SPG7: variants seen among roughly 807,000 people sequenced by gnomAD.
SPG7 encodes the protein SPG7 matrix AAA peptidase subunit, paraplegin.
A neutral mutation model predicts 81.9 loss-of-function variants in SPG7; 103 were observed. The ratio of observed to expected loss-of-function variants is 1.26; its 90% confidence interval spans 1.07 to 1.48. The LOEUF is 1.48. Ranked by LOEUF, SPG7 falls within the 40% of genes most tolerant of loss-of-function variation. The pLI is 0.00. For synonymous variants in SPG7, 534 were observed against 444.2 expected (o/e 1.20, Z -2.54); for missense variants, 1,241 against 1,087.3 (o/e 1.14, Z -1.99).
intron 16 of SPG7, 45 bp from the exon 17 acceptor site, chr16:89,556,841 CT>C: frequency 6.9e-7 from 1 of 1,453,906 alleles, no homozygotes; most frequent in Non-Finnish European, 9.7e-7. Context: ...TAGAGATGCT[CT>C]GTCTGCCCTG....
intron 5 of SPG7, 54 bp downstream of exon 5, chr16:89,526,522 T>A (rs957727453): frequency 1.2e-6 from 2 of 1,605,550 alleles, no homozygotes; most frequent in African/African-American, 2.7e-5. Context: ...GGCTTTGTAA[T>A]CTGAGAAACA....
At position 89,553,060 on chromosome 16, in the gene SPG7, C is replaced by G. The variant is rs769258044; in HGVS notation, c.1861C>G (p.Gln621Glu). 6.2e-6 allele frequency: 10 copies of G among 1,613,836 alleles called. No homozygotes were observed. Among genetic ancestry groups the G allele is most frequent in the Non-Finnish European group, 8.5e-6 (10 of 1,179,922 alleles). Reference protein sequence around the residue: ...PRDQHLFTKEQLFERMCMALG... With the variant: ...PRDQHLFTKEELFERMCMALG... ...AGACCAGCACCTCTTCACCAAGGAG[C>G]AGCTGTTTGAGCGGATGTGCATGGC... The change falls in exon 14 of 17, where the codon CAG (glutamine) becomes GAG (glutamate). Residue 621 changes from glutamine to glutamate, a missense_variant. Gln to Glu is a conservative substitution (Grantham distance 29). Coordinates refer to ENST00000645818, the MANE Select transcript of SPG7 (RefSeq NM_003119.4).
chr16:89,543,048 C>A (rs56156927), intron 9 of SPG7: 27 of 149,654 alleles, frequency 1.8e-4, no homozygotes, highest in African/African-American at 6.4e-4. Context: ...TTCAGGTTCA[C>A]GCCATTCTCC....
intron 3 of SPG7, chr16:89,518,992 A>T (rs4511532): frequency 0.43 from 64,502 of 150,502 alleles, 14,291 homozygotes; most frequent in East Asian, 0.67. Flanking sequence ...TTATTTATTT[A>T]TTTTTTTTTG....
intron 6 of SPG7, chr16:89,530,116 G>C (rs146695557): frequency 1.2e-4 from 32 of 269,358 alleles, no homozygotes; most frequent in Admixed American, 1.5e-4. Context: ...TGGGATTATA[G>C]GCATGAGCCA....
chr16:89,513,057 T>A lies in SPG7; in HGVS notation c.376+20T>A. On this transcript the variant is annotated intron_variant, in intron 3 of 16. Transcript: ENST00000645818. ...ACGAAGGTATATTCATCTGATGTTC[T>A]TCAGTCAGTAGCTGCCTCTGGATGT... is the stretch of plus-strand genomic sequence containing the variant. 6.3e-7 allele frequency: 1 copy of A among 1,589,486 alleles called. No individual in the cohort carries two copies.
intron 1 of SPG7, chr16:89,508,820 G>C (rs1597598193): frequency 1.5e-6 from 1 of 688,170 alleles, no homozygotes; most frequent in East Asian, 2.8e-5. Flanking sequence ...TGGGATCCGC[G>C]CAGTCCTCGG....
intron 1 of SPG7, among the ~76,000 whole-genome samples, chr16:89,509,345 G>A (rs951202080): frequency 2.6e-5 from 4 of 151,716 alleles, no homozygotes; most frequent in African/African-American, 7.3e-5. Flanking sequence ...CCGCCTCCCG[G>A]GTTCAAGCGA....
In SPG7 at chr16:89,553,012, G is replaced by T. The variant is rs1044298211; in HGVS notation, c.1813G>T (p.Gly605Cys). The T allele has an allele frequency of 6.2e-7, 1 of 1,613,860 alleles. No individual in the cohort carries two copies. The highest frequency in any genetic ancestry group is 1.3e-5 in the African/African-American group (1 of 74,906). The part of the protein sequence containing the change: ...SITPRTNAAL[G>C]FAQMLPRDQH... Reference sequence around the variant, plus strand: ...AACCCCTCGGACAAACGCCGCCCTGGGCTTTGCTCAGATGCTCCCCAGAGA... The same window carrying T: ...AACCCCTCGGACAAACGCCGCCCTGTGCTTTGCTCAGATGCTCCCCAGAGA... Residue 605 changes from glycine to cysteine, a missense_variant, in exon 14 of 17, where the codon GGC becomes TGC. Gly to Cys is a radical substitution (Grantham distance 159). Transcript: ENST00000645818.
At chr16:89,537,349 C>T (rs944554602) in intron 9 of SPG7, 20 of 1,162,792 alleles carry the variant, frequency 1.7e-5, no homozygotes, top group African/African-American at 1.4e-4. Context: ...GTCCAGGTCC[C>T]GGCTCCTGTG....
In SPG7 at chr16:89,553,953, T is replaced by C; in HGVS notation, c.2096T>C (p.Met699Thr). Residue 699 changes from methionine to threonine, a missense_variant, in exon 15 of 17, where the codon ATG becomes ACG. Transcript: ENST00000645818. ...TTCAGCCAAGGCCTGCAGCAGATGATGGACCATGTGAGTCGGCTCTGGCCA... is the reference window on the plus strand; with the variant it reads ...TTCAGCCAAGGCCTGCAGCAGATGACGGACCATGTGAGTCGGCTCTGGCCA... ...RPFSQGLQQM[M>T]DHEARLLVAK... The C allele has an allele frequency of 1.2e-6, 2 of 1,611,442 alleles. No homozygotes were observed. Among genetic ancestry groups the C allele is most frequent in the Non-Finnish European group, 1.7e-6 (2 of 1,179,958 alleles).
chr16:89,549,215 A>AG, intron 12 of SPG7: 1 of 456,872 alleles, frequency 2.2e-6, no homozygotes, highest in Non-Finnish European at 4.4e-6. Context: ...GGGAACCACA[A>AG]GCCAGTTGAA....
chr16:89,514,109 G>A (rs575224750), intron 3 of SPG7, among the ~76,000 whole-genome samples: 2 of 152,024 alleles, frequency 1.3e-5, no homozygotes, highest in African/African-American at 2.4e-5. Flanking sequence ...CCAGTGTTTC[G>A]CAGGTGGATT....
At chr16:89,544,561 T>A (rs540389287) in intron 9 of SPG7, 87 bp from the exon 10 acceptor site, 1 of 1,519,668 alleles carries the variant, frequency 6.6e-7, no homozygotes, top group Non-Finnish European at 9.1e-7. Flanking sequence ...TCTCTCTCCC[T>A]CCTGTGTCCT....
rs1179653517 is a variant in SPG7, at chr16:89,526,330, G to A, written c.620G>A (p.Arg207Gln). 7.4e-6 allele frequency: 12 copies of A among 1,613,992 alleles called. 1 individual carries two copies. The highest frequency in any genetic ancestry group is 3.3e-4 in the Middle Eastern group (2 of 6,052). The change falls in exon 5 of 17, where the codon CGG becomes CAG. Residue 207 changes from arginine (R) to glutamine (Q), a missense_variant and splice_region_variant. By Grantham distance (43) the Arg-to-Gln change is conservative. Transcript: ENST00000645818. ...TCCCCTCTCCTTTCTGCCCCCCAGC[G>A]GCTAGCCTTGATGTACCGAATGCAG... Reference protein sequence around the residue: ...HPGAVVFGRPRLALMYRMQVA... With the variant: ...HPGAVVFGRPQLALMYRMQVA...
intron 6 of SPG7, 124 bp from the exon 7 acceptor site, chr16:89,530,559 G>A: frequency 1.9e-6 from 2 of 1,076,078 alleles, no homozygotes; most frequent in East Asian, 2.4e-5. Context: ...CATGAGTGAA[G>A]CCTTGGGATC....
chr16:89,509,758 C>A (rs912836539), intron 1 of SPG7, among the ~76,000 whole-genome samples: 1 of 150,958 alleles, frequency 6.6e-6, no homozygotes, highest in African/African-American at 2.4e-5. Flanking sequence ...GGGATAGCAG[C>A]CAATGTACTT....
chr16:89,535,553 T>A (rs1241619830), intron 9 of SPG7, among the ~76,000 whole-genome samples: 1 of 152,336 alleles, frequency 6.6e-6, no homozygotes, highest in East Asian at 1.9e-4. Context: ...GGCTGCCTTC[T>A]GCACACACAG....
Position 89,508,560 on chromosome 16 carries a change from C to G in SPG7, c.143C>G (p.Pro48Arg). Residue 48 changes from proline to arginine, a missense_variant, in exon 1 of 17, where the codon CCT becomes CGT. Transcript: ENST00000645818. The stretch of plus-strand genomic sequence containing the variant: ...GGGCGGCCGTACATGGCCAGCAGGC[C>G]TCCGGGGGACCTCGCCGAGGCTGGA... The part of the protein sequence containing the change: ...GRGRPYMASR[P>R]PGDLAEAGGR... 1.3e-6 allele frequency: 2 copies of G among 1,497,024 alleles called. No individual in the cohort carries two copies. The highest frequency in any genetic ancestry group is 1.8e-6 in the Non-Finnish European group (2 of 1,129,044). 92.7% of individuals were successfully genotyped at this position (1,497,024 alleles called of 1,614,324 possible).
Sources: allele counts gnomAD v4.1 joint callset (sites outside exome capture counted in the v4.1 genomes callset), GRCh38; gene constraint gnomAD v4.1.1; transcripts MANE v1.5; gene names NCBI Gene and HGNC (gene_info 2026-07-23, HGNC 2026-07-21).